TMEM245: variants seen among roughly 807,000 people sequenced by gnomAD.
TMEM245 encodes transmembrane protein 245.
Under a neutral mutation model 101.2 loss-of-function variants are expected in TMEM245, and 69 were observed. The observed-to-expected ratio is 0.68, with a 90% CI of 0.56 to 0.83. TMEM245 has a LOEUF of 0.83. Ranked by LOEUF, TMEM245 falls within the 40% of genes least tolerant of loss-of-function variation. TMEM245 has a pLI of 0.00. For synonymous variants in TMEM245, 537 were observed against 449.8 expected, an observed-to-expected ratio of 1.19 and a Z score of -2.45; for missense variants, 1,075 against 1,092.8, an observed-to-expected ratio of 0.98 and a Z score of 0.23.
Position 109,090,832 on chromosome 9 carries a change from A to T in TMEM245, c.1150+90T>A. ...ATTGTTTTACTTTGCAAGACGGTAA[A>T]TGTATCTCAAATATTAAAATCCAAA... On this transcript the variant is annotated intron_variant, in intron 5 of 17. Coordinates refer to ENST00000374586, the MANE Select transcript of TMEM245 (RefSeq NM_032012.4). 2.6e-6 allele frequency: 3 copies of T among 1,158,552 alleles called. No individual in the cohort carries two copies. In the South Asian group the frequency reaches 4.7e-5, roughly 18 times the overall value. The allele number at this position is 1,158,552 out of a possible 1,614,324, so 71.8% of individuals were successfully genotyped here.
Position 109,119,752 on chromosome 9 carries a change from GA to G in TMEM245, c.161del (p.Phe54SerfsTer48), listed in dbSNP as rs759366080. 6.6e-7 allele frequency: 1 copy of G among 1,521,298 alleles called. No individual in the cohort carries two copies. Among genetic ancestry groups the G allele is most frequent in the South Asian group, 1.2e-5 (1 of 82,116 alleles). 94.2% of individuals were successfully genotyped at this position (1,521,298 alleles called of 1,614,324 possible). On this transcript the variant is annotated frameshift_variant, in exon 1 of 18. Transcript: ENST00000374586. LOFTEE classifies it high-confidence loss of function. ...LRFDKPIKQA[F>X]YNTGAVLFVC... Reference sequence around the variant, plus strand: ...CGAACAGCACGGCCCCGGTGTTGTAGAAGGCCTGCTTAATGGGCTTGTCGAA... The same window carrying G: ...CGAACAGCACGGCCCCGGTGTTGTAGAGGCCTGCTTAATGGGCTTGTCGAA...
At chr9:109,072,734 G>A (rs1296966635) in intron 9 of TMEM245, among the ~76,000 whole-genome samples, 1 of 152,212 alleles carries the variant, frequency 6.6e-6, no homozygotes, top group African/African-American at 2.4e-5. Context: ...AACTGGGCAT[G>A]GTGGTGTACA....
At chr9:109,071,079 C>T (rs530398946) in intron 9 of TMEM245, among the ~76,000 whole-genome samples, 40 of 152,000 alleles carry the variant, frequency 2.6e-4, no homozygotes, top group African/African-American at 9.4e-4. Context: ...TGGGGTTTCA[C>T]CATATTGGCC....
At chr9:109,119,109 G>T (rs549130795) in intron 1 of TMEM245, among the ~76,000 whole-genome samples, 2 of 152,334 alleles carry the variant, frequency 1.3e-5, no homozygotes, top group South Asian at 4.1e-4. Flanking sequence ...TATTAGGATT[G>T]AAACAAGGCG....
At chr9:109,091,592 G>A (rs1830008921) in intron 4 of TMEM245, among the ~76,000 whole-genome samples, 1 of 152,132 alleles carries the variant, frequency 6.6e-6, no homozygotes, top group South Asian at 2.1e-4. Flanking sequence ...ACTTTTCAGT[G>A]TTATTTCACC....
intron 5 of TMEM245, among the ~76,000 whole-genome samples, chr9:109,089,514 A>G (rs1829938561): frequency 6.6e-6 from 1 of 152,220 alleles, no homozygotes; most frequent in South Asian, 2.1e-4. Context: ...GACATAGGAA[A>G]TGAGGAGTAA....
intron 4 of TMEM245, among the ~76,000 whole-genome samples, chr9:109,091,770 C>T (rs1245352715): frequency 2.0e-5 from 3 of 152,124 alleles, no homozygotes; most frequent in Non-Finnish European, 4.4e-5. Context: ...AATGCAACCA[C>T]CATGTTACAT....
Position 109,017,430 on chromosome 9 carries a change from A to G in TMEM245, c.*3030T>C, listed in dbSNP as rs1327430562. On this transcript the variant is annotated 3_prime_UTR_variant, in exon 18 of 18. Transcript: ENST00000374586. ...TTACAGAGATCACTTGCAGGAACAG[A>G]TATTGATAGGAACTTCAGAACTCAA... The G allele has an allele frequency of 6.6e-6, 1 of 152,216 alleles. No individual in the cohort carries two copies. Among genetic ancestry groups the G allele is most frequent in the African/African-American group, 2.4e-5 (1 of 41,454 alleles). 9.4% of individuals were successfully genotyped at this position (152,216 alleles called of 1,614,324 possible).
intron 17 of TMEM245, among the ~76,000 whole-genome samples, chr9:109,024,011 A>C (rs1419594513): frequency 6.6e-6 from 1 of 152,048 alleles, no homozygotes; most frequent in Non-Finnish European, 1.5e-5. Context: ...TGCTTGCCCC[A>C]AACTTTCAAT....
intron 13 of TMEM245, 68 bp from the exon 14 acceptor site, chr9:109,050,496 C>T: frequency 1.2e-6 from 2 of 1,612,156 alleles, no homozygotes; most frequent in Non-Finnish European, 1.7e-6. Context: ...CAGACATCTG[C>T]AATTGCAAAT....
At chr9:109,065,787 C>T (rs1282284801) in intron 9 of TMEM245, among the ~76,000 whole-genome samples, 1 of 151,988 alleles carries the variant, frequency 6.6e-6, no homozygotes, top group Admixed American at 6.6e-5. Context: ...CAGAGTGAAG[C>T]CAAAAGGTGA....
chr9:109,094,712 CCTA>C (rs771774057), intron 3 of TMEM245, among the ~76,000 whole-genome samples: 43 of 152,190 alleles, frequency 2.8e-4, no homozygotes, highest in Non-Finnish European at 5.6e-4. Context: ...ACCAATACCT[CCTA>C]CTATTTATTT....
intron 9 of TMEM245, among the ~76,000 whole-genome samples, chr9:109,069,997 C>T (rs756807002): frequency 2.0e-5 from 3 of 152,226 alleles, no homozygotes; most frequent in Admixed American, 6.5e-5. Context: ...TGTCTCAAAA[C>T]GTTCTCTTTC....
chr9:109,109,179 A>T (rs1830505103), intron 1 of TMEM245, among the ~76,000 whole-genome samples: 1 of 152,170 alleles, frequency 6.6e-6, no homozygotes, highest in Non-Finnish European at 1.5e-5. Flanking sequence ...AAATATTATT[A>T]GAGGAACAAA....
intron 1 of TMEM245, among the ~76,000 whole-genome samples, chr9:109,110,010 C>G (rs1353256900): frequency 6.6e-6 from 1 of 152,064 alleles, no homozygotes. Flanking sequence ...TTAATAAGCA[C>G]TAATTCTTTT....
chr9:109,119,667 G>GC lies in TMEM245; in HGVS notation c.246dup (p.Pro83AlafsTer132). On this transcript the variant is annotated frameshift_variant, in exon 1 of 18. Transcript: ENST00000374586. LOFTEE classifies it high-confidence loss of function. ...CCGCATAGCACGGCCCAGAGCAGCGGCCGCAGGAAGGCCTCCAGGATGAAG... is the reference window on the plus strand; with the variant it reads ...CCGCATAGCACGGCCCAGAGCAGCGGCCCGCAGGAAGGCCTCCAGGATGAAG... 1 of 1,555,688 alleles carries GC rather than the reference G, an allele frequency of 6.4e-7. No individual in the cohort carries two copies. Among genetic ancestry groups the GC allele is most frequent in the East Asian group, 2.4e-5 (1 of 41,562 alleles).
chr9:109,059,516 C>T (rs1828943868), intron 11 of TMEM245, among the ~76,000 whole-genome samples: 1 of 151,822 alleles, frequency 6.6e-6, no homozygotes, highest in African/African-American at 2.4e-5. Context: ...CCTGTCTCTA[C>T]AAAAAATACA....
chr9:109,058,631 G>A (rs571551600), intron 11 of TMEM245, among the ~76,000 whole-genome samples: 11 of 152,204 alleles, frequency 7.2e-5, no homozygotes, highest in Middle Eastern at 3.4e-3. Flanking sequence ...TAGAGACAGC[G>A]TCTTGCTTGC....
chr9:109,111,424 A>C (rs1237425180), intron 1 of TMEM245, among the ~76,000 whole-genome samples: 1 of 152,204 alleles, frequency 6.6e-6, no homozygotes, highest in Admixed American at 6.5e-5. Flanking sequence ...ATAAGGAATT[A>C]GTATCATTTG....
Sources: allele counts gnomAD v4.1 joint callset (sites outside exome capture counted in the v4.1 genomes callset), GRCh38; gene constraint gnomAD v4.1.1; transcripts MANE v1.5; gene names NCBI Gene and HGNC (gene_info 2026-07-23, HGNC 2026-07-21).